SLC36A1: variants seen among roughly 807,000 people sequenced by gnomAD.
The protein encoded by SLC36A1 is proton-coupled amino acid transporter 1.
A neutral mutation model predicts 47.5 loss-of-function variants in SLC36A1; 30 were observed. That is an observed-to-expected ratio of 0.63 (90% CI 0.47 to 0.86). The LOEUF (loss-of-function observed/expected upper bound fraction) is 0.86, where lower values mean the gene tolerates loss of function less well. Ranked by LOEUF, SLC36A1 falls within the 40% of genes least tolerant of loss-of-function variation. SLC36A1 has a pLI of 0.00. For synonymous variants in SLC36A1, 255 were observed against 249.7 expected, an observed-to-expected ratio of 1.02 and a Z score of -0.20; for missense variants, 517 against 606.0, an observed-to-expected ratio of 0.85 and a Z score of 1.54.
upstream of SLC36A1, among the ~76,000 whole-genome samples, chr5:151,445,586 T>C (rs530337546): frequency 1.3e-5 from 2 of 152,244 alleles, no homozygotes; most frequent in Non-Finnish European, 2.9e-5. Context: ...AAGTCAGCTG[T>C]GAAGCCATCT....
intron 7 of SLC36A1, chr5:151,469,157 G>A: frequency 1.6e-6 from 1 of 616,010 alleles, no homozygotes; most frequent in Non-Finnish European, 2.9e-6. Context: ...TTAAAATGCA[G>A]ACAACACAAA....
At chr5:151,549,612 GTAAC>G in the SLC36A1 span, 5 of 795,212 alleles carry the variant, frequency 6.3e-6, no homozygotes, top group Non-Finnish European at 1.0e-5. Context: ...ATGCCCAATT[GTAAC>G]TAACTCCCCA....
At chr5:151,505,655 T>G in the SLC36A1 span, 2 of 1,614,074 alleles carry the variant, frequency 1.2e-6, no homozygotes, top group Non-Finnish European at 1.7e-6. Context: ...GGCCCTGGCC[T>G]GCAAGAGGTG....
chr5:151,521,193 G>T, the SLC36A1 span: 1 of 1,405,654 alleles, frequency 7.1e-7, no homozygotes, highest in Non-Finnish European at 9.6e-7. Flanking sequence ...CTCCCACAGA[G>T]CCTCAGTGGA....
chr5:151,433,223 TATATATATATATATATATATATATATATA>T (rs1759478700), upstream of SLC36A1, among the ~76,000 whole-genome samples: 1 of 3,118 alleles, frequency 3.2e-4, no homozygotes, highest in Admixed American at 3.8e-3. Context: ...CTGAATAACA[TATATATATATATATATATATATATATATA>T]TATATATATA....
intron 2 of SLC36A1, among the ~76,000 whole-genome samples, chr5:151,461,808 TA>T: frequency 6.6e-6 from 1 of 152,214 alleles, no homozygotes; most frequent in Non-Finnish European, 1.5e-5. Flanking sequence ...TACTAATATT[TA>T]AAAATTTGAG....
the SLC36A1 span, among the ~76,000 whole-genome samples, chr5:151,408,251 C>T: frequency 5.3e-5 from 8 of 152,040 alleles, no homozygotes; most frequent in African/African-American, 1.7e-4. Flanking sequence ...TGCAGTGGTG[C>T]GATCTTGACT....
the SLC36A1 span, among the ~76,000 whole-genome samples, chr5:151,427,479 C>G: frequency 6.6e-6 from 1 of 152,192 alleles, no homozygotes; most frequent in Non-Finnish European, 1.5e-5. Flanking sequence ...AGTCGCAGCT[C>G]CCTGTGGGGT....
chr5:151,457,854 G>GTT (rs35595732), intron 1 of SLC36A1, among the ~76,000 whole-genome samples: 30,223 of 143,476 alleles, frequency 0.21, 3,357 homozygotes, highest in East Asian at 0.39. Flanking sequence ...TTGTTTGTTT[G>GTT]TTTTTTTTTT....
the SLC36A1 span, among the ~76,000 whole-genome samples, chr5:151,367,374 T>TTTTTTTTTTTTC: frequency 2.9e-3 from 421 of 145,516 alleles, 6 homozygotes; most frequent in African/African-American, 0.01. Context: ...TTTTTTTTTT[T>TTTTTTTTTTTTC]CCCCAGGGTA....
At chr5:151,544,161 G>T in the SLC36A1 span, 1 of 1,614,196 alleles carries the variant, frequency 6.2e-7, no homozygotes, top group Non-Finnish European at 8.5e-7. Flanking sequence ...CATTGATCTG[G>T]AAGAACTTGG....
At chr5:151,501,855 T>C in the SLC36A1 span, among the ~76,000 whole-genome samples, 1 of 148,040 alleles carries the variant, frequency 6.8e-6, no homozygotes. Flanking sequence ...TCACAAAAAG[T>C]AACTTAAAGT....
the SLC36A1 span, among the ~76,000 whole-genome samples, chr5:151,411,600 T>A: frequency 6.9e-6 from 1 of 144,664 alleles, no homozygotes; most frequent in Non-Finnish European, 1.5e-5. Context: ...GAGCAAAGGC[T>A]TCGGGAGCCC....
chr5:151,480,318 A>G (rs1758639219), intron 10 of SLC36A1, among the ~76,000 whole-genome samples: 1 of 152,112 alleles, frequency 6.6e-6, no homozygotes, highest in Non-Finnish European at 1.5e-5. Flanking sequence ...TTATTTTTGA[A>G]CAAGAACCTC....
At chr5:151,356,163 AC>A in the SLC36A1 span, among the ~76,000 whole-genome samples, 37 of 151,534 alleles carry the variant, frequency 2.4e-4, no homozygotes, top group Non-Finnish European at 4.3e-4. Flanking sequence ...ACATGGAGAA[AC>A]CCCATCTCCA....
chr5:151,401,095 G>A, the SLC36A1 span, among the ~76,000 whole-genome samples: 2 of 151,994 alleles, frequency 1.3e-5, no homozygotes, highest in Admixed American at 1.3e-4. Flanking sequence ...TCTTTGTCAA[G>A]GCCAATGCCT....
At chr5:151,459,126 T>C (rs1276089774) in intron 2 of SLC36A1, among the ~76,000 whole-genome samples, 191 bp downstream of exon 2, 1 of 152,146 alleles carries the variant, frequency 6.6e-6, no homozygotes, top group Non-Finnish European at 1.5e-5. Context: ...TTCTTACTCT[T>C]TTTTCCTTTC....
At chr5:151,375,893 T>C in the SLC36A1 span, among the ~76,000 whole-genome samples, 1 of 152,172 alleles carries the variant, frequency 6.6e-6, no homozygotes, top group African/African-American at 2.4e-5. Context: ...GTTTTTTGTT[T>C]TTGGAGGAAT....
upstream of SLC36A1, among the ~76,000 whole-genome samples, chr5:151,443,737 T>G (rs1053440418): frequency 6.6e-6 from 1 of 152,218 alleles, no homozygotes; most frequent in East Asian, 1.9e-4. Context: ...AAAAAATCAT[T>G]GCCAAGGCCA....
Sources: gnomAD v4.1 joint callset for allele counts (sites outside exome capture counted in the v4.1 genomes callset) on GRCh38, gnomAD v4.1.1 for gene constraint, MANE v1.5 for transcripts, NCBI Gene and HGNC (gene_info 2026-07-23, HGNC 2026-07-21) for gene names.